Variants in SCLT1 observed in about 807,000 individuals in gnomAD.
The protein encoded by SCLT1 is sodium channel and clathrin linker 1.
In SCLT1, 78 loss-of-function variants were observed where a neutral mutation model predicts 112.8. The ratio of observed to expected loss-of-function variants is 0.69; its 90% CI spans 0.58 to 0.83. SCLT1 has a LOEUF of 0.83. Ranked by LOEUF, SCLT1 falls within the 40% of genes least tolerant of loss-of-function variation. The probability of loss-of-function intolerance (pLI) is 0.00; values close to 1 mark genes in which losing one functional copy is unlikely to be tolerated. For synonymous variants in SCLT1, 257 were observed against 254.7 expected, an observed-to-expected ratio of 1.01 and a Z score of -0.09; for missense variants, 747 against 770.4, an observed-to-expected ratio of 0.97 and a Z score of 0.36.
intron 17 of SCLT1, among the ~76,000 whole-genome samples, chr4:128,939,456 A>G (rs1222413646): frequency 6.6e-6 from 1 of 152,232 alleles, no homozygotes; most frequent in Non-Finnish European, 1.5e-5. Flanking sequence ...AAGGGCCACA[A>G]CAACTGATCT....
At chr4:129,039,261 A>C (rs1006579154) in intron 4 of SCLT1, 165 bp from the exon 5 acceptor site, 21 of 543,386 alleles carry the variant, frequency 3.9e-5, no homozygotes, top group African/African-American at 3.8e-4. Context: ...ATTTACTAAT[A>C]AACAGAACAC....
At chr4:129,023,121 T>C (rs1281188333) in intron 5 of SCLT1, among the ~76,000 whole-genome samples, 2 of 152,222 alleles carry the variant, frequency 1.3e-5, no homozygotes, top group Non-Finnish European at 2.9e-5. Context: ...CCACCACATC[T>C]GTCTTCCAAG....
At position 129,073,662 on chromosome 4, in the gene SCLT1, GCACAACAAATTAGTTATAGAC is replaced by G. The variant is rs374203802; in HGVS notation, c.102+8623_102+8643del. ...ACACAATGTCTCACTACTTATAGAT[GCACAACAAATTAGTTATAGAC>G]CAATGAATAAATGAATTTCTTTCAG... On this transcript the variant is annotated intron_variant, in intron 2 of 20. Coordinates refer to ENST00000281142, the MANE Select transcript of SCLT1 (RefSeq NM_144643.4). 5.3e-3 allele frequency among the ~76,000 whole-genome samples: 803 copies of G among 152,116 alleles called. 5 individuals carry two copies. Among genetic ancestry groups the G allele is most frequent in the Middle Eastern group, 0.017 (5 of 294 alleles).
intron 2 of SCLT1, among the ~76,000 whole-genome samples, chr4:129,072,017 G>C (rs1232882471): frequency 6.6e-6 from 1 of 152,114 alleles, no homozygotes; most frequent in East Asian, 1.9e-4. Flanking sequence ...CTTGGTAATG[G>C]TGAATTTGCT....
At chr4:128,936,116 C>CT (rs11402194) in intron 18 of SCLT1, among the ~76,000 whole-genome samples, 108,678 of 150,568 alleles carry the variant, frequency 0.72, 39,443 homozygotes, top group African/African-American at 0.81. Flanking sequence ...ACAGTCTATT[C>CT]TTTTTTTTTA....
chr4:128,976,497 T>C (rs1044965164), intron 9 of SCLT1, among the ~76,000 whole-genome samples: 3 of 152,202 alleles, frequency 2.0e-5, no homozygotes, highest in Non-Finnish European at 4.4e-5. Flanking sequence ...GTTTACTTCA[T>C]GCCTGCAATG....
chr4:128,973,687 C>T (rs925976732), intron 9 of SCLT1, among the ~76,000 whole-genome samples: 1 of 151,766 alleles, frequency 6.6e-6, no homozygotes, highest in Non-Finnish European at 1.5e-5. Context: ...GAAATGAAAT[C>T]TCCTGCTACA....
intron 18 of SCLT1, among the ~76,000 whole-genome samples, chr4:128,911,770 T>C (rs1025703972): frequency 3.3e-5 from 5 of 152,348 alleles, no homozygotes; most frequent in Admixed American, 2.6e-4. Flanking sequence ...ACTATACTTA[T>C]ATTTGGTTTT....
intron 5 of SCLT1, among the ~76,000 whole-genome samples, chr4:129,013,537 G>A (rs1579700240): frequency 6.6e-6 from 1 of 152,070 alleles, no homozygotes; most frequent in Admixed American, 6.5e-5. Flanking sequence ...TTGCTTGCCT[G>A]AAAATGATCT....
rs2125719077 is a variant in SCLT1 at position 129,055,260 on chromosome 4, G to A, written c.103-11209C>T. 2.0e-5 allele frequency among the ~76,000 whole-genome samples: 3 copies of A among 152,282 alleles called. No homozygotes were observed. The South Asian group carries it at 6.2e-4, about 32-fold the overall frequency. On this transcript the variant is annotated intron_variant, in intron 2 of 20. Coordinates refer to ENST00000281142, the MANE Select transcript of SCLT1 (RefSeq NM_144643.4). ...CATGGGGGTTAGGGACTCACTGGAG[G>A]AGGCACTCAGTCCCTTAACAGAGCT...
At chr4:128,879,473 A>T (rs1367232753), downstream of SCLT1, among the ~76,000 whole-genome samples, 2 of 152,166 alleles carry the variant, frequency 1.3e-5, no homozygotes, top group East Asian at 3.9e-4. Flanking sequence ...CTAAAGATAC[A>T]ATGTTGCACA....
chr4:128,895,695 C>G (rs1390015767), intron 18 of SCLT1, among the ~76,000 whole-genome samples: 1 of 152,156 alleles, frequency 6.6e-6, no homozygotes, highest in East Asian at 1.9e-4. Flanking sequence ...GGGTGCAGGA[C>G]AGTGGGTGCA....
intron 9 of SCLT1, among the ~76,000 whole-genome samples, chr4:128,990,624 G>A (rs183521809): frequency 3.6e-4 from 54 of 151,658 alleles, no homozygotes; most frequent in African/African-American, 1.3e-3. Context: ...AATGAAGGGA[G>A]CCCAAATTGG....
intron 5 of SCLT1, among the ~76,000 whole-genome samples, chr4:129,005,076 A>G (rs975744767): frequency 6.6e-6 from 1 of 152,088 alleles, no homozygotes; most frequent in Non-Finnish European, 1.5e-5. Context: ...TATATTTTCT[A>G]GCAGAATTTT....
chr4:128,886,791 T>A (rs113498940), intron 20 of SCLT1, among the ~76,000 whole-genome samples: 30 of 152,326 alleles, frequency 2.0e-4, no homozygotes, highest in African/African-American at 7.0e-4. Flanking sequence ...TGTTTAGGTT[T>A]AATTTTTTCA....
intron 5 of SCLT1, among the ~76,000 whole-genome samples, chr4:129,007,667 T>G (rs1244115446): frequency 6.6e-6 from 1 of 152,150 alleles, no homozygotes; most frequent in Non-Finnish European, 1.5e-5. Flanking sequence ...GTGGGTTCAT[T>G]TAGTTAATCT....
chr4:129,089,856 C>A (rs1040834998), intron 1 of SCLT1, among the ~76,000 whole-genome samples: 3 of 139,436 alleles, frequency 2.2e-5, no homozygotes, highest in Admixed American at 1.5e-4. Flanking sequence ...CACACCGGGG[C>A]CTGTTGGGGA....
chr4:128,962,230 T>C (rs1030191458), intron 11 of SCLT1, among the ~76,000 whole-genome samples: 1 of 152,198 alleles, frequency 6.6e-6, no homozygotes, highest in Non-Finnish European at 1.5e-5. Flanking sequence ...AACATGTAAG[T>C]TAAAGAAACA....
intron 16 of SCLT1, among the ~76,000 whole-genome samples, chr4:128,945,222 G>C (rs552051829): frequency 1.3e-5 from 2 of 152,082 alleles, no homozygotes; most frequent in Non-Finnish European, 2.9e-5. Flanking sequence ...CCTCCCTTAA[G>C]AGACATATGG....
Sources: gnomAD v4.1 joint callset for allele counts (sites outside exome capture counted in the v4.1 genomes callset) on GRCh38, gnomAD v4.1.1 for gene constraint, MANE v1.5 for transcripts, NCBI Gene and HGNC (gene_info 2026-07-23, HGNC 2026-07-21) for gene names.